Variants in NUAK1 observed in about 807,000 individuals in gnomAD.
NUAK1 encodes the protein NUAK family SNF1-like kinase 1.
In NUAK1, 26 loss-of-function variants were observed where a neutral mutation model predicts 56.9. The observed-to-expected ratio is 0.46, with a 90% CI of 0.33 to 0.63. The LOEUF (loss-of-function observed/expected upper bound fraction) is 0.63, where lower values mean the gene tolerates loss of function less well. NUAK1 is among the 30% of genes least tolerant of loss of function. NUAK1 has a pLI of 0.02. For missense variants in NUAK1, 727 were observed against 876.1 expected, an observed-to-expected ratio of 0.83 and a Z score of 2.15; for synonymous variants, 337 against 336.0, an observed-to-expected ratio of 1.00 and a Z score of -0.03.
intron 2 of NUAK1, 36 bp downstream of exon 2, chr12:106,106,369 C>T (rs1325091865): frequency 2.0e-6 from 3 of 1,528,472 alleles, no homozygotes; most frequent in Middle Eastern, 1.7e-4. Flanking sequence ...GAAATGGTAA[C>T]TGATATGGGG....
At chr12:106,134,217 C>T (rs1360570304) in intron 1 of NUAK1, among the ~76,000 whole-genome samples, 2 of 152,216 alleles carry the variant, frequency 1.3e-5, no homozygotes, top group Non-Finnish European at 2.9e-5. Flanking sequence ...TGGTCCCTTA[C>T]ACTCTAAAAC....
At chr12:106,099,445 T>C (rs1407609282) in intron 2 of NUAK1, among the ~76,000 whole-genome samples, 1 of 152,210 alleles carries the variant, frequency 6.6e-6, no homozygotes, top group Non-Finnish European at 1.5e-5. Flanking sequence ...CTCTCAGATA[T>C]GTAAGACAGT....
chr12:106,134,289 C>T (rs2136486734), intron 1 of NUAK1, among the ~76,000 whole-genome samples: 1 of 152,370 alleles, frequency 6.6e-6, no homozygotes, highest in Admixed American at 6.5e-5. Flanking sequence ...GTCAACACAC[C>T]TCCTGGCTTG....
At chr12:106,110,675 C>G (rs910976870) in intron 1 of NUAK1, among the ~76,000 whole-genome samples, 1 of 152,162 alleles carries the variant, frequency 6.6e-6, no homozygotes, top group African/African-American at 2.4e-5. Context: ...TGTTTGAGCC[C>G]GACTCACAGT....
intron 1 of NUAK1, among the ~76,000 whole-genome samples, chr12:106,133,092 C>T (rs1277459888): frequency 6.6e-6 from 1 of 152,150 alleles, no homozygotes; most frequent in Non-Finnish European, 1.5e-5. Flanking sequence ...CTATTATTTG[C>T]ATTAGCATCA....
chr12:106,099,742 T>C (rs2136468723), intron 2 of NUAK1, among the ~76,000 whole-genome samples: 1 of 152,250 alleles, frequency 6.6e-6, no homozygotes, highest in African/African-American at 2.4e-5. Flanking sequence ...GCACACCTCC[T>C]AGCCCAAGGT....
Position 106,086,810 on chromosome 12 carries a change from T to A in NUAK1, c.437A>T (p.Glu146Val). ...SKGELYDYIS[E>V]RRRLSERETR... ...CTCCCTCTCACTGAGGCGTCGCCGC[T>A]CACTGATGTAATCGTACAGCTCCCC... The change falls in exon 3 of 7, where the codon GAG becomes GTG. Residue 146 changes from glutamate (E) to valine (V), a missense_variant. Coordinates refer to ENST00000261402, the MANE Select transcript of NUAK1 (RefSeq NM_014840.3). 4 of 1,614,146 alleles carry A rather than the reference T, an allele frequency of 2.5e-6. No homozygotes were observed. The highest frequency in any genetic ancestry group is 3.4e-6 in the Non-Finnish European group (4 of 1,179,994).
intron 2 of NUAK1, among the ~76,000 whole-genome samples, chr12:106,097,533 A>G (rs1286665602): frequency 6.6e-6 from 1 of 152,232 alleles, no homozygotes; most frequent in Non-Finnish European, 1.5e-5. Context: ...AAGAACCTAT[A>G]TCAGGACCTG....
At chr12:106,135,216 T>G (rs2033118102) in intron 1 of NUAK1, among the ~76,000 whole-genome samples, 1 of 152,244 alleles carries the variant, frequency 6.6e-6, no homozygotes, top group Non-Finnish European at 1.5e-5. Flanking sequence ...AGGATTTGAA[T>G]GTAAGCCAGG....
chr12:106,119,183 T>C (rs2032949432), intron 1 of NUAK1, among the ~76,000 whole-genome samples: 2 of 152,230 alleles, frequency 1.3e-5, no homozygotes, highest in Non-Finnish European at 2.9e-5. Flanking sequence ...TATCCAAATA[T>C]AGCAATAGCT....
At chr12:106,129,406 G>A (rs1198431595) in intron 1 of NUAK1, among the ~76,000 whole-genome samples, 5 of 152,214 alleles carry the variant, frequency 3.3e-5, no homozygotes, top group Non-Finnish European at 7.3e-5. Context: ...TGGGCTACAG[G>A]CTGGGCTGCA....
At chr12:106,097,240 A>G (rs1270997625) in intron 2 of NUAK1, among the ~76,000 whole-genome samples, 2 of 152,182 alleles carry the variant, frequency 1.3e-5, no homozygotes, top group South Asian at 4.1e-4. Flanking sequence ...TAGCAGTGCA[A>G]TTGGCTCACT....
At chr12:106,072,907 A>C (rs77368761) in intron 4 of NUAK1, 64 bp from the exon 5 acceptor site, 3 of 1,590,030 alleles carry the variant, frequency 1.9e-6, no homozygotes, top group Non-Finnish European at 2.6e-6. Context: ...GTGTTGGATC[A>C]GTTCACACCA....
At position 106,070,760 on chromosome 12, in the gene NUAK1, C is replaced by T; in HGVS notation, c.832+14G>A. The stretch of plus-strand genomic sequence containing the variant: ...TCCCCTCCACCTCTGACCCTCCCTC[C>T]ACAGGGCACGCACCTGAGGGCTGTG... On this transcript the variant is annotated intron_variant, in intron 6 of 6. Transcript: ENST00000261402. 6.2e-7 allele frequency: 1 copy of T among 1,614,126 alleles called. No individual in the cohort carries two copies. Among genetic ancestry groups the T allele is most frequent in the South Asian group, 1.1e-5 (1 of 91,076 alleles).
At chr12:106,077,121 C>T (rs192146637) in intron 4 of NUAK1, among the ~76,000 whole-genome samples, 69 of 152,284 alleles carry the variant, frequency 4.5e-4, no homozygotes, top group Admixed American at 4.3e-3. Context: ...ATGCTGATGG[C>T]AATGATAATA....
chr12:106,100,431 G>A (rs955075633), intron 2 of NUAK1, among the ~76,000 whole-genome samples: 8 of 152,090 alleles, frequency 5.3e-5, no homozygotes, highest in Non-Finnish European at 1.0e-4. Context: ...CCAGGACTCT[G>A]AAGTGTTTAG....
intron 1 of NUAK1, among the ~76,000 whole-genome samples, chr12:106,124,104 G>A (rs1047400759): frequency 3.3e-5 from 5 of 152,106 alleles, no homozygotes; most frequent in African/African-American, 4.8e-5. Flanking sequence ...TTGAAGCAAA[G>A]GGGTTGGGGG....
At chr12:106,119,873 G>C (rs959383433) in intron 1 of NUAK1, among the ~76,000 whole-genome samples, 1 of 152,142 alleles carries the variant, frequency 6.6e-6, no homozygotes, top group African/African-American at 2.4e-5. Flanking sequence ...AAGGAACTTT[G>C]TTTTAAGAAG....
Position 106,138,654 on chromosome 12 carries a change from G to C in NUAK1, c.-1C>G, listed in dbSNP as rs757842192. 6 of 1,524,728 alleles carry C rather than the reference G, an allele frequency of 3.9e-6. No homozygotes were observed. The Admixed American group carries it at 1.3e-4, about 32-fold the overall frequency. 94.4% of individuals were successfully genotyped at this position (1,524,728 alleles called of 1,614,324 possible). On this transcript the variant is annotated 5_prime_UTR_variant, in exon 1 of 7. Transcript: ENST00000261402. The surrounding 1 kb of genome is among the most constrained non-coding windows in gnomAD (Gnocchi z 5.0). ...CCACAGGCGCGGCGGCCCCTTCCAT[G>C]TCCAAGCGCGGGGCGAGCCGGGCTA...
Sources: allele counts gnomAD v4.1 joint callset (sites outside exome capture counted in the v4.1 genomes callset), GRCh38; gene constraint gnomAD v4.1.1; non-coding constraint Gnocchi (gnomAD v3.1); transcripts MANE v1.5; gene names NCBI Gene and HGNC (gene_info 2026-07-23, HGNC 2026-07-21).